The following PYROXD2 variants were observed in gnomAD, a reference collection of about 807,000 sequenced individuals.
PYROXD2 encodes pyridine nucleotide-disulphide oxidoreductase domain 2.
A neutral mutation model predicts 71.1 loss-of-function variants in PYROXD2; 69 were observed. That is an observed-to-expected ratio of 0.97 (90% confidence interval 0.80 to 1.19). The LOEUF is 1.19. PYROXD2 is among the 50% of genes most tolerant of loss of function. The probability of loss-of-function intolerance (pLI) is 0.00; values close to 1 mark genes in which losing one functional copy is unlikely to be tolerated. For missense variants in PYROXD2, 745 were observed against 748.9 expected (o/e 0.99, Z 0.06); for synonymous variants, 287 against 302.7 (o/e 0.95, Z 0.54).
chr10:98,413,337 A>G (rs146528541), intron 1 of PYROXD2, among the ~76,000 whole-genome samples: 186 of 152,392 alleles, frequency 1.2e-3, no homozygotes, highest in African/African-American at 4.1e-3. Context: ...TAGCTGTTAT[A>G]GCATGAATAA....
chr10:98,388,518 C>T lies in PYROXD2; in HGVS notation c.1293-10G>A, dbSNP rs767741055. ...GAGCTCAATCACAGGCCTGTGCGGG[C>T]AGGGAGGAGACGGCAGGTCTAAAGA... On this transcript the variant is annotated splice_polypyrimidine_tract_variant and intron_variant, in intron 12 of 15. Coordinates refer to ENST00000370575, the MANE Select transcript of PYROXD2 (RefSeq NM_032709.3). 3 of 1,578,474 alleles carry T rather than the reference C, an allele frequency of 1.9e-6. No individual in the cohort carries two copies. In the African/African-American group the frequency reaches 4.1e-5, roughly 22 times the overall value.
intron 14 of PYROXD2, among the ~76,000 whole-genome samples, chr10:98,385,560 G>C (rs918458833): frequency 9.2e-5 from 14 of 152,352 alleles, no homozygotes; most frequent in South Asian, 2.1e-4. Context: ...CCCAGGCTGA[G>C]AAGGGAGGCA....
intron 13 of PYROXD2, 70 bp from the exon 14 acceptor site, chr10:98,387,377 G>A: frequency 9.2e-7 from 1 of 1,086,378 alleles, no homozygotes; most frequent in Non-Finnish European, 1.4e-6. Flanking sequence ...TGTACAACTT[G>A]GCAAATTTAC....
chr10:98,400,629 T>G (rs976188590), intron 4 of PYROXD2, among the ~76,000 whole-genome samples: 3 of 151,836 alleles, frequency 2.0e-5, no homozygotes, highest in Non-Finnish European at 2.9e-5. Flanking sequence ...CCATGCCATA[T>G]CACACCACAC....
At position 98,397,415 on chromosome 10, in the gene PYROXD2, C is replaced by T. The variant is rs143664406; in HGVS notation, c.555G>A (p.Ala185=). 1.8e-4 allele frequency: 297 copies of T among 1,613,426 alleles called. 2 individuals carry two copies. The highest frequency in any genetic ancestry group is 6.6e-4 in the Middle Eastern group (4 of 6,060). ...GCAGCAAGGAGCCATGCTGGAAGGCCGCCATGTCCACGGGGGCCGCATCCA... is the reference window on the plus strand; with the variant it reads ...GCAGCAAGGAGCCATGCTGGAAGGCTGCCATGTCCACGGGGGCCGCATCCA... ...PLLDAAPVDM[A]AFQHGSLLQR... Residue 185 remains alanine, a synonymous_variant, in exon 6 of 16, where the codon GCG becomes GCA. Transcript: ENST00000370575.
At chr10:98,385,879 C>T (rs781592283) in intron 14 of PYROXD2, among the ~76,000 whole-genome samples, 2 of 152,202 alleles carry the variant, frequency 1.3e-5, no homozygotes, top group African/African-American at 2.4e-5. Flanking sequence ...CCTTCCTTCC[C>T]GCTGCCTGGC....
intron 13 of PYROXD2, 61 bp downstream of exon 13, chr10:98,388,293 G>A (rs1261805160): frequency 5.8e-6 from 9 of 1,559,034 alleles, no homozygotes; most frequent in Middle Eastern, 3.4e-4. Flanking sequence ...AGGAGGAGCA[G>A]GCCCAGTTGG....
chr10:98,390,594 C>T lies in PYROXD2; in HGVS notation c.1292+4G>A, dbSNP rs754852523. ...TCAGGGAACATAAAGTCCAGGGCCC[C>T]TACCTGTGGGAAGGCAGGCCATCCA... On this transcript the variant is annotated splice_donor_region_variant and intron_variant, in intron 12 of 15. Coordinates refer to ENST00000370575, the MANE Select transcript of PYROXD2 (RefSeq NM_032709.3). 6.3e-7 allele frequency: 1 copy of T among 1,584,924 alleles called. No homozygotes were observed. Among genetic ancestry groups the T allele is most frequent in the East Asian group, 2.2e-5 (1 of 44,592 alleles).
At chr10:98,397,224 GT>G in intron 6 of PYROXD2, 120 bp downstream of exon 6, 1 of 1,352,732 alleles carries the variant, frequency 7.4e-7, no homozygotes, top group Non-Finnish European at 9.9e-7. Context: ...ATCGCAGCAT[GT>G]TAACTGATCC....
chr10:98,404,557 A>G (rs1291731686), intron 4 of PYROXD2, among the ~76,000 whole-genome samples: 1 of 152,164 alleles, frequency 6.6e-6, no homozygotes, highest in African/African-American at 2.4e-5. Context: ...TTCTTAAAAA[A>G]CAGAAAAAAA....
chr10:98,398,213 G>T (rs1443041230), intron 5 of PYROXD2, among the ~76,000 whole-genome samples: 1 of 152,104 alleles, frequency 6.6e-6, no homozygotes, highest in Non-Finnish European at 1.5e-5. Flanking sequence ...ATTATTGGTA[G>T]AAGTTAGACC....
In PYROXD2 at chr10:98,387,283, G is replaced by A; in HGVS notation, c.1472C>T (p.Ala491Val). ...AACCACAGAGTCCTTGAAGCCAGGG[G>A]CATAGACCTCGATGCAATCAAACAC... The part of the protein sequence containing the change: ...DRVFDCIEVY[A>V]PGFKDSVVGR... Residue 491 changes from alanine to valine, a missense_variant, in exon 14 of 16, where the codon GCC (alanine) becomes GTC (valine). Coordinates refer to ENST00000370575, the MANE Select transcript of PYROXD2 (RefSeq NM_032709.3). 3.1e-6 allele frequency: 5 copies of A among 1,614,050 alleles called. No individual in the cohort carries two copies. The highest frequency in any genetic ancestry group is 4.2e-6 in the Non-Finnish European group (5 of 1,179,946).
chr10:98,394,912 T>C lies in PYROXD2; in HGVS notation c.785+284A>G, dbSNP rs761007792. On this transcript the variant is annotated intron_variant, in intron 8 of 15. Coordinates refer to ENST00000370575, the MANE Select transcript of PYROXD2 (RefSeq NM_032709.3). ...TAGTGAAGCAGTAGGGCACAGTCACTAAAAAGGAAGATTTTGGGGAGTCAG... is the reference window on the plus strand; with the variant it reads ...TAGTGAAGCAGTAGGGCACAGTCACCAAAAAGGAAGATTTTGGGGAGTCAG... Among the ~76,000 whole-genome samples, 64 of 152,112 alleles carry C rather than the reference T, an allele frequency of 4.2e-4. No individual in the cohort carries two copies. The highest frequency in any genetic ancestry group is 6.5e-4 in the Non-Finnish European group (44 of 67,984).
intron 14 of PYROXD2, among the ~76,000 whole-genome samples, chr10:98,386,181 G>A (rs911103325): frequency 6.6e-6 from 1 of 152,032 alleles, no homozygotes; most frequent in Non-Finnish European, 1.5e-5. Context: ...GGAGGCTGAG[G>A]TGGGAGGATG....
intron 6 of PYROXD2, among the ~76,000 whole-genome samples, chr10:98,396,471 A>C (rs1332950737): frequency 6.6e-6 from 1 of 151,870 alleles, no homozygotes; most frequent in Non-Finnish European, 1.5e-5. Context: ...GAAACAAATG[A>C]TTTTTTTTCT....
At chr10:98,411,168 T>C in intron 1 of PYROXD2, 1 of 709,292 alleles carries the variant, frequency 1.4e-6, no homozygotes, top group African/African-American at 1.8e-5. Flanking sequence ...AAAACCCTGG[T>C]TCTTGCCTTG....
At chr10:98,412,143 T>TG (rs1843808051) in intron 1 of PYROXD2, among the ~76,000 whole-genome samples, 1 of 152,206 alleles carries the variant, frequency 6.6e-6, no homozygotes, top group South Asian at 2.1e-4. Context: ...AAATGGGAGC[T>TG]ATTTGTCTTT....
chr10:98,413,018 G>A (rs1843840163), intron 1 of PYROXD2, among the ~76,000 whole-genome samples: 1 of 152,164 alleles, frequency 6.6e-6, no homozygotes, highest in Non-Finnish European at 1.5e-5. Context: ...AAAAACAAAG[G>A]TAATAAATAC....
At position 98,415,157 on chromosome 10, in the gene PYROXD2, G is replaced by A. The variant is rs1189608529; in HGVS notation, c.-22C>T. On this transcript the variant is annotated 5_prime_UTR_variant, in exon 1 of 16. Transcript: ENST00000370575. ...CCATTTCTGCCCCAGGCTGGGCCTT[G>A]CTAGGCAGGGAGTTTGCTAGCGATT... 6.2e-7 allele frequency: 1 copy of A among 1,608,886 alleles called. No homozygotes were observed. Among genetic ancestry groups the A allele is most frequent in the East Asian group, 2.2e-5 (1 of 44,806 alleles).
Sources: allele counts gnomAD v4.1 joint callset (sites outside exome capture counted in the v4.1 genomes callset), GRCh38; gene constraint gnomAD v4.1.1; transcripts MANE v1.5; gene names NCBI Gene and HGNC (gene_info 2026-07-23, HGNC 2026-07-21).